Variants in CAPN1 observed in about 807,000 individuals in gnomAD.
CAPN1 encodes the protein calpain-1 catalytic subunit.
Under a neutral mutation model 105.2 loss-of-function variants are expected in CAPN1, and 77 were observed. The ratio of observed to expected loss-of-function variants is 0.73; its 90% CI spans 0.61 to 0.88. CAPN1 has a LOEUF of 0.88. Among genes scored for constraint, CAPN1 ranks in the 40% least tolerant of loss-of-function variants. The pLI is 0.00. For missense variants in CAPN1, 833 were observed against 976.6 expected (o/e 0.85, Z 1.96); for synonymous variants, 355 against 388.8 (o/e 0.91, Z 1.02).
chr11:65,195,534 T>C (rs1039439306), intron 10 of CAPN1, among the ~76,000 whole-genome samples: 1 of 152,232 alleles, frequency 6.6e-6, no homozygotes, highest in African/African-American at 2.4e-5. Flanking sequence ...GTATATTACA[T>C]TGATCAACTT....
chr11:65,195,692 G>A (rs1590857290), intron 10 of CAPN1, among the ~76,000 whole-genome samples: 1 of 152,182 alleles, frequency 6.6e-6, no homozygotes, highest in South Asian at 2.1e-4. Flanking sequence ...ATATTGGTCT[G>A]TAATCTTCTT....
At chr11:65,186,562 C>T (rs1948637166) in intron 6 of CAPN1, among the ~76,000 whole-genome samples, 1 of 152,088 alleles carries the variant, frequency 6.6e-6, no homozygotes, top group African/African-American at 2.4e-5. Flanking sequence ...CACCTCAGCT[C>T]TTTCCTGTGC....
At chr11:65,185,046 T>C (rs775150994) in intron 4 of CAPN1, among the ~76,000 whole-genome samples, 8 of 152,048 alleles carry the variant, frequency 5.3e-5, no homozygotes, top group Non-Finnish European at 7.4e-5. Flanking sequence ...GTATCTAGTA[T>C]ACATTGTACA....
intron 11 of CAPN1, among the ~76,000 whole-genome samples, chr11:65,205,452 C>T (rs964173732): frequency 2.0e-5 from 3 of 152,094 alleles, no homozygotes; most frequent in East Asian, 3.9e-4. Flanking sequence ...TTGGCCACCC[C>T]GGGGGCTGGC....
rs555178066 is a variant in CAPN1 at position 65,183,425 on chromosome 11, C to G, written c.338-49C>G. The G allele has an allele frequency of 2.4e-5, 35 of 1,434,614 alleles. No homozygotes were observed. In the East Asian group the frequency reaches 2.7e-4, roughly 11 times the overall value. The allele number at this position is 1,434,614 out of a possible 1,614,324, so 88.9% of individuals were successfully genotyped here. A position where few individuals can be genotyped will look rare whatever the true frequency, so the allele number is the denominator to read the frequency against. ...ATTCTCCCTAGCACCCGCTTCCCCC[C>G]CCGGGGCAGGTTGGTAGAGCAGGCT... is the stretch of plus-strand genomic sequence containing the variant. On this transcript the variant is annotated intron_variant, in intron 3 of 21. Coordinates refer to ENST00000279247, the MANE Select transcript of CAPN1 (RefSeq NM_005186.4).
chr11:65,183,259 CT>C, intron 3 of CAPN1, 62 bp downstream of exon 3: 1 of 1,479,374 alleles, frequency 6.8e-7, no homozygotes, highest in Non-Finnish European at 9.4e-7. Flanking sequence ...ATTCCCGCTC[CT>C]TCAGGCTCTG....
intron 10 of CAPN1, among the ~76,000 whole-genome samples, chr11:65,194,409 AT>A (rs1290756741): frequency 1.3e-5 from 2 of 152,152 alleles, no homozygotes; most frequent in East Asian, 3.8e-4. Context: ...ATTTTGATAC[AT>A]AGTGTTTTTG....
In CAPN1 at chr11:65,205,667, G is replaced by A. The variant is rs758766886; in HGVS notation, c.1342-43G>A. 1.9e-6 allele frequency: 3 copies of A among 1,610,560 alleles called. No individual in the cohort carries two copies. The South Asian group carries it at 3.3e-5, about 18-fold the overall frequency. ...CAGCATGCACTGTGACCCCGCCCTG[G>A]GACAAACACACATCTCTGACTTCCC... On this transcript the variant is annotated intron_variant, in intron 11 of 21. Transcript: ENST00000279247.
Position 65,210,312 on chromosome 11 carries a change from C to G in CAPN1, c.1943-24C>G. ...TTGGGCAGGGGCTGCGCCTCACTGACCTTCACTCACTCTCCTGGACCAGGC... is the reference window on the plus strand; with the variant it reads ...TTGGGCAGGGGCTGCGCCTCACTGAGCTTCACTCACTCTCCTGGACCAGGC... On this transcript the variant is annotated intron_variant, in intron 19 of 21. Transcript: ENST00000279247. This position sits in a 1 kb window ranked among gnomAD's most constrained non-coding sequence, Gnocchi z 4.3. 6.5e-7 allele frequency: 1 copy of G among 1,539,196 alleles called. No homozygotes were observed. Among genetic ancestry groups the G allele is most frequent in the Non-Finnish European group, 9.0e-7 (1 of 1,116,518 alleles).
chr11:65,204,854 A>C lies in CAPN1; in HGVS notation c.1337A>C (p.Tyr446Ser). Residue 446 changes from tyrosine to serine, a missense_variant, in exon 11 of 22, where the codon TAC (tyrosine) becomes TCC (serine). Tyr to Ser is a moderately radical substitution (Grantham distance 144, BLOSUM62 -2). Transcript: ENST00000279247. ...ATGGAGACTATTGGCTTCGCGGTCT[A>C]CGAGGTCAGGAGGGTGGATCACCGG... The part of the protein sequence containing the change: ...RDMETIGFAV[Y>S]EVPPELVGQP... 1.2e-6 allele frequency: 2 copies of C among 1,606,916 alleles called. No homozygotes were observed. Among genetic ancestry groups the C allele is most frequent in the Non-Finnish European group, 1.7e-6 (2 of 1,175,472 alleles).
intron 3 of CAPN1, 118 bp from the exon 4 acceptor site, chr11:65,183,356 C>G (rs927762604): frequency 9.1e-7 from 1 of 1,097,822 alleles, no homozygotes; most frequent in Non-Finnish European, 1.4e-6. Flanking sequence ...GTCTTTTCTG[C>G]AAGCTGAGGG....
chr11:65,181,679 C>T (rs989214656), upstream of CAPN1: 6 of 315,044 alleles, frequency 1.9e-5, no homozygotes, highest in African/African-American at 4.7e-5. The surrounding 1 kb of genome is among the most constrained non-coding windows in gnomAD (Gnocchi z 4.6). Flanking sequence ...GCCCCCCCAT[C>T]CCCCCCCGCG....
chr11:65,184,483 G>GC (rs1948603143), intron 4 of CAPN1, among the ~76,000 whole-genome samples: 1 of 48,620 alleles, frequency 2.1e-5, no homozygotes, highest in Non-Finnish European at 4.6e-5. Context: ...ACCCCGCCCC[G>GC]CCCCCCGTTG....
At chr11:65,192,423 T>C (rs569555888) in intron 10 of CAPN1, among the ~76,000 whole-genome samples, 36 of 152,312 alleles carry the variant, frequency 2.4e-4, no homozygotes, top group Non-Finnish European at 5.0e-4. Context: ...TCTTTTTCTG[T>C]TTCCTAGAAG....
rs759963589 is a variant in CAPN1, at chr11:65,209,989, CT to C, written c.1864-28del. 1 of 1,612,556 alleles carries C rather than the reference CT, an allele frequency of 6.2e-7. No individual in the cohort carries two copies. The highest frequency in any genetic ancestry group is 8.5e-7 in the Non-Finnish European group (1 of 1,179,204). On this transcript the variant is annotated intron_variant, in intron 18 of 21. Coordinates refer to ENST00000279247, the MANE Select transcript of CAPN1 (RefSeq NM_005186.4). The surrounding 1 kb of genome is among the most constrained non-coding windows in gnomAD (Gnocchi z 4.1). The stretch of plus-strand genomic sequence containing the variant: ...GGTGGGAAGGGCCGGGTGACTCAGC[CT>C]GGCCCTCACCCTCTGCCGCCACCTC...
At chr11:65,181,382 C>G (rs1948525447), upstream of CAPN1, 1 of 285,168 alleles carries the variant, frequency 3.5e-6, no homozygotes, top group Admixed American at 4.6e-5. The surrounding 1 kb of genome is among the most constrained non-coding windows in gnomAD (Gnocchi z 4.6). Context: ...CAGCCCGGCC[C>G]CTCCTCAGAG....
At position 65,209,778 on chromosome 11, in the gene CAPN1, C is replaced by G; in HGVS notation, c.1795-71C>G. 1 of 1,481,408 alleles carries G rather than the reference C, an allele frequency of 6.8e-7. No individual in the cohort carries two copies. Among genetic ancestry groups the G allele is most frequent in the Non-Finnish European group, 9.3e-7 (1 of 1,075,234 alleles). The allele number at this position is 1,481,408 out of a possible 1,614,324, so 91.8% of individuals were successfully genotyped here. On this transcript the variant is annotated intron_variant, in intron 17 of 21. Transcript: ENST00000279247. The surrounding 1 kb of genome is among the most constrained non-coding windows in gnomAD (Gnocchi z 4.1). ...ACTTGCCGGCTCGGCGGCCATCTCC[C>G]CTTCTGCACAGTTGCCCACTCTCCC...
intron 10 of CAPN1, among the ~76,000 whole-genome samples, chr11:65,192,934 C>A (rs931475135): frequency 6.6e-6 from 1 of 150,464 alleles, no homozygotes; most frequent in Non-Finnish European, 1.5e-5. Context: ...ATAATTTATT[C>A]TTTGCATCTG....
rs948932651 is a variant in CAPN1, at chr11:65,193,201, G to A, written c.1165+4455G>A. 5.1e-5 allele frequency among the ~76,000 whole-genome samples: 7 copies of A among 138,210 alleles called. No homozygotes were observed. In the South Asian group the frequency reaches 7.0e-4, roughly 14 times the overall value. The allele number at this position is 138,210 out of a possible 152,430, so 90.7% of individuals were successfully genotyped here. On this transcript the variant is annotated intron_variant, in intron 10 of 21. Coordinates refer to ENST00000279247, the MANE Select transcript of CAPN1 (RefSeq NM_005186.4). ...AGAGATGGGGTTTCACCATGGTCTC[G>A]ATCATCTGACCTTGTGATCCTCCTG...
Sources: gnomAD v4.1 joint callset for allele counts (sites outside exome capture counted in the v4.1 genomes callset) on GRCh38, gnomAD v4.1.1 for gene constraint, Gnocchi (gnomAD v3.1) non-coding constraint, MANE v1.5 for transcripts, NCBI Gene and HGNC (gene_info 2026-07-23, HGNC 2026-07-21) for gene names.